AFAP1L1: variants seen among roughly 807,000 people sequenced by gnomAD.
AFAP1L1 encodes the protein actin filament-associated protein 1-like 1.
In AFAP1L1, 77 loss-of-function variants were observed where a neutral mutation model predicts 99.8. The ratio of observed to expected loss-of-function variants is 0.77; its 90% confidence interval spans 0.64 to 0.93. AFAP1L1 has a LOEUF of 0.93. Among genes scored for constraint, AFAP1L1 ranks in the 40% least tolerant of loss-of-function variants. The probability of loss-of-function intolerance (pLI) is 0.00; values close to 1 mark genes in which losing one functional copy is unlikely to be tolerated. For missense variants in AFAP1L1, 893 were observed against 996.8 expected (o/e 0.90, Z 1.40); for synonymous variants, 373 against 395.3 (o/e 0.94, Z 0.67).
intron 1 of AFAP1L1, among the ~76,000 whole-genome samples, chr5:149,275,822 A>C (rs1755302673): frequency 6.6e-6 from 1 of 152,138 alleles, no homozygotes; most frequent in African/African-American, 2.4e-5. Flanking sequence ...TCTTCTTCTA[A>C]GGACACCAGT....
At position 149,320,376 on chromosome 5, in the gene AFAP1L1, CATTTT is replaced by C; in HGVS notation, c.1626-9_1626-5del. 6.2e-7 allele frequency: 1 copy of C among 1,612,802 alleles called. No homozygotes were observed. Among genetic ancestry groups the C allele is most frequent in the East Asian group, 2.2e-5 (1 of 44,878 alleles). On this transcript the variant is annotated splice_polypyrimidine_tract_variant and intron_variant, in intron 13 of 18. Coordinates refer to ENST00000296721, the MANE Select transcript of AFAP1L1 (RefSeq NM_152406.4). The surrounding 1 kb of genome is among the most constrained non-coding windows in gnomAD (Gnocchi z 4.0). ...CATTGTCATTGTCATTGTCATCGTA[CATTTT>C]ATTTTCTAGATATGCAAGATCCTGC... is the stretch of plus-strand genomic sequence containing the variant.
At chr5:149,295,349 A>G (rs1273260579) in intron 1 of AFAP1L1, among the ~76,000 whole-genome samples, 1 of 152,232 alleles carries the variant, frequency 6.6e-6, no homozygotes, top group Non-Finnish European at 1.5e-5. Flanking sequence ...TGGGTGCGAG[A>G]GCTCAGGTTT....
chr5:149,312,413 C>T, intron 9 of AFAP1L1: 1 of 616,682 alleles, frequency 1.6e-6, no homozygotes, highest in Non-Finnish European at 3.0e-6. Flanking sequence ...GCCCAAAGTG[C>T]AGTACAAGCC....
At position 149,318,091 on chromosome 5, in the gene AFAP1L1, G is replaced by T. The variant is rs548999955; in HGVS notation, c.1479+151G>T. The T allele has an allele frequency of 5.8e-5, 51 of 873,062 alleles. No individual in the cohort carries two copies. In the African/African-American group the frequency reaches 7.8e-4, roughly 13 times the overall value. The allele number at this position is 873,062 out of a possible 1,614,324, so 54.1% of individuals were successfully genotyped here. On this transcript the variant is annotated intron_variant, in intron 12 of 18. Transcript: ENST00000296721. ...TCACTCCTGTCAGGTGACCCAAGTA[G>T]ATTATAAGACAACACACAGGACACC... is the stretch of plus-strand genomic sequence containing the variant.
At chr5:149,308,030 T>G (rs1756489055) in intron 7 of AFAP1L1, among the ~76,000 whole-genome samples, 1 of 151,922 alleles carries the variant, frequency 6.6e-6, no homozygotes. Flanking sequence ...GCGCCTGTAG[T>G]CCCAGCTACT....
chr5:149,279,507 C>A, intron 1 of AFAP1L1, among the ~76,000 whole-genome samples: 1 of 151,242 alleles, frequency 6.6e-6, no homozygotes, highest in East Asian at 1.9e-4. Flanking sequence ...ATGTACAGTA[C>A]ATTATAGCTT....
intron 1 of AFAP1L1, among the ~76,000 whole-genome samples, chr5:149,283,536 A>G (rs1413192572): frequency 1.3e-5 from 2 of 152,192 alleles, no homozygotes; most frequent in African/African-American, 4.8e-5. Flanking sequence ...ATACCTTACA[A>G]TTGACATCTT....
rs771857107 is a variant in AFAP1L1 at position 149,272,058 on chromosome 5, A to AGAG, written c.16+82_16+84dup. 1,531 of 1,136,268 alleles carry AGAG rather than the reference A, an allele frequency of 1.3e-3. 4 individuals carry two copies. Among genetic ancestry groups the AGAG allele is most frequent in the Non-Finnish European group, 1.4e-3 (1,254 of 907,970 alleles). 70.4% of individuals were successfully genotyped at this position (1,136,268 alleles called of 1,614,324 possible). A position where few individuals can be genotyped will look rare whatever the true frequency, so the allele number is the denominator to read the frequency against. On this transcript the variant is annotated intron_variant, in intron 1 of 18. Coordinates refer to ENST00000296721, the MANE Select transcript of AFAP1L1 (RefSeq NM_152406.4). Reference sequence around the variant, plus strand: ...GGGAGACTGGACGATCTGAAGCCGGAGAGGAGGAGGGAGAGAGGCGGGCGG... The same window carrying AGAG: ...GGGAGACTGGACGATCTGAAGCCGGAGAGGAGGAGGAGGGAGAGAGGCGGGCGG...
Position 149,315,903 on chromosome 5 carries a change from C to T in AFAP1L1, c.1103C>T (p.Thr368Ile). The T allele has an allele frequency of 1.2e-6, 2 of 1,614,148 alleles. No individual in the cohort carries two copies. The highest frequency in any genetic ancestry group is 1.7e-6 in the Non-Finnish European group (2 of 1,180,022). The change falls in exon 10 of 19, where the codon ACC becomes ATC. Residue 368 changes from threonine (T) to isoleucine (I), a missense_variant. Thr to Ile is a moderately conservative substitution (Grantham distance 89). Coordinates refer to ENST00000296721, the MANE Select transcript of AFAP1L1 (RefSeq NM_152406.4). ...TGTTCTACCCTTGGCCGCCGGGAGA[C>T]CTGTGATCACGGTAGGAGCCTCTGG... The part of the protein sequence containing the change: ...DNCSTLGRRE[T>I]CDHGKGKKSS...
chr5:149,281,953 A>T (rs116142253), intron 1 of AFAP1L1, among the ~76,000 whole-genome samples: 1 of 151,662 alleles, frequency 6.6e-6, no homozygotes, highest in Non-Finnish European at 1.5e-5. Flanking sequence ...TATCCTTCAC[A>T]CTCTTCCTGC....
intron 10 of AFAP1L1, 46 bp downstream of exon 10, chr5:149,315,960 C>G (rs765749182): frequency 6.2e-7 from 1 of 1,608,564 alleles, no homozygotes; most frequent in Non-Finnish European, 8.5e-7. Flanking sequence ...GGAACTGGGC[C>G]GGGCCTTGCC....
chr5:149,320,981 T>A lies in AFAP1L1; in HGVS notation c.1698+518T>A, dbSNP rs1162981935. The stretch of plus-strand genomic sequence containing the variant: ...GCCATCACATGACCTGGAATGCTCC[T>A]GGCAGCATGCCCTGTGCTGTCTCCT... On this transcript the variant is annotated intron_variant, in intron 14 of 18. Transcript: ENST00000296721. This position sits in a 1 kb window ranked among gnomAD's most constrained non-coding sequence, Gnocchi z 4.0. 6.6e-6 allele frequency among the ~76,000 whole-genome samples: 1 copy of A among 152,228 alleles called. No homozygotes were observed. Among genetic ancestry groups the A allele is most frequent in the East Asian group, 1.9e-4 (1 of 5,184 alleles).
rs763134490 is a variant in AFAP1L1 at position 149,301,145 on chromosome 5, G to A, written c.242G>A (p.Ser81Asn). 3 of 1,613,994 alleles carry A rather than the reference G, an allele frequency of 1.9e-6. No homozygotes were observed. Among genetic ancestry groups the A allele is most frequent in the Admixed American group, 3.3e-5 (2 of 60,026 alleles). The change falls in exon 4 of 19, where the codon AGT becomes AAT. Residue 81 changes from serine to asparagine, a missense_variant. Ser to Asn is a conservative substitution (Grantham distance 46). Transcript: ENST00000296721. ...SLFEEFDCDL[S>N]DLRDMPEDDG... ...TGTCCCTCTGTAGACTGTGACCTGA[G>A]TGACCTTCGGGACATGCCAGAGGAT...
chr5:149,336,175 G>T (rs183233865), intron 18 of AFAP1L1, among the ~76,000 whole-genome samples: 1 of 152,068 alleles, frequency 6.6e-6, no homozygotes, highest in Admixed American at 6.5e-5. Context: ...GAACTTTTTG[G>T]ATTTTATAAA....
At chr5:149,291,524 CAAAAA>C (rs1229134807) in intron 1 of AFAP1L1, among the ~76,000 whole-genome samples, 26 of 13,390 alleles carry the variant, frequency 1.9e-3, no homozygotes, top group African/African-American at 4.8e-3. Flanking sequence ...GACTCCGTCT[CAAAAA>C]AAAAAAAAAA....
chr5:149,279,541 A>G (rs1442087349), intron 1 of AFAP1L1, among the ~76,000 whole-genome samples: 2 of 151,780 alleles, frequency 1.3e-5, no homozygotes, highest in Non-Finnish European at 2.9e-5. Flanking sequence ...TGAATTATCT[A>G]TGCTTAAGGA....
chr5:149,310,472 A>G lies in AFAP1L1; in HGVS notation c.927+337A>G, dbSNP rs1000347976. Among the ~76,000 whole-genome samples, 10 of 152,336 alleles carry G rather than the reference A, an allele frequency of 6.6e-5. No homozygotes were observed. The South Asian group carries it at 1.7e-3, about 25-fold the overall frequency. Reference sequence around the variant, plus strand: ...TTCATCATTAGACCAGTGAATTCTTAAAACAACAACAACAAAGGAAAAATC... The same window carrying G: ...TTCATCATTAGACCAGTGAATTCTTGAAACAACAACAACAAAGGAAAAATC... On this transcript the variant is annotated intron_variant, in intron 8 of 18. Coordinates refer to ENST00000296721, the MANE Select transcript of AFAP1L1 (RefSeq NM_152406.4).
intron 5 of AFAP1L1, 135 bp from the exon 6 acceptor site, chr5:149,306,171 C>A: frequency 1.5e-6 from 1 of 651,594 alleles, no homozygotes; most frequent in Non-Finnish European, 2.6e-6. Flanking sequence ...AGGCCTCACA[C>A]CCTGGCCTGA....
At chr5:149,332,910 C>T in intron 17 of AFAP1L1, 37 bp downstream of exon 17, 1 of 1,515,180 alleles carries the variant, frequency 6.6e-7, no homozygotes, top group South Asian at 1.3e-5. Context: ...GGCAGCTACT[C>T]CTATGTCCCT....
Sources: gnomAD v4.1 joint callset for allele counts (sites outside exome capture counted in the v4.1 genomes callset) on GRCh38, gnomAD v4.1.1 for gene constraint, Gnocchi (gnomAD v3.1) non-coding constraint, MANE v1.5 for transcripts, NCBI Gene and HGNC (gene_info 2026-07-23, HGNC 2026-07-21) for gene names.